Variants in FEZ1 observed in about 807,000 individuals in gnomAD.
FEZ1 encodes fasciculation and elongation protein zeta-1.
Under a neutral mutation model 49.3 loss-of-function variants are expected in FEZ1, and 20 were observed. That is an observed-to-expected ratio of 0.41 (90% CI 0.29 to 0.59). The LOEUF (loss-of-function observed/expected upper bound fraction) is 0.59. Among genes scored for constraint, FEZ1 ranks in the 20% least tolerant of loss-of-function variants. The pLI, the probability that FEZ1 is intolerant of heterozygous loss-of-function variation, is 0.36. For synonymous variants in FEZ1, 170 were observed against 180.9 expected (o/e 0.94, Z 0.48); for missense variants, 413 against 476.0 (o/e 0.87, Z 1.23).
intron 3 of FEZ1, among the ~76,000 whole-genome samples, chr11:125,467,706 G>T (rs1957144411): frequency 6.6e-6 from 1 of 152,164 alleles, no homozygotes; most frequent in Non-Finnish European, 1.5e-5. Flanking sequence ...CAGGCATGGT[G>T]GTGCACACCT....
intron 3 of FEZ1, among the ~76,000 whole-genome samples, chr11:125,480,680 C>T (rs1164836315): frequency 6.6e-6 from 1 of 152,162 alleles, no homozygotes; most frequent in Non-Finnish European, 1.5e-5. Context: ...GAAGCCATGA[C>T]AGTTTCCTCC....
chr11:125,457,421 A>ATATATAT (rs1314968863), intron 5 of FEZ1, among the ~76,000 whole-genome samples: 5 of 40,620 alleles, frequency 1.2e-4, no homozygotes, highest in African/African-American at 4.2e-4. Flanking sequence ...AAAAAAAAAA[A>ATATATAT]AAAAAAAAAT....
Position 125,460,556 on chromosome 11 carries a change from G to T in FEZ1, c.609C>A (p.Val203=). ...GGETSSQADS[V]LLQEMQALTQ... is the part of the protein sequence containing the mutation. ...TCAATGCCTGCATCTCCTGCAGGAG[G>T]ACCGAGTCTGCCTGGGAGGAAGTTT... The change falls in exon 5 of 10, where the codon GTC becomes GTA. Residue 203 remains valine (V), a synonymous_variant. Transcript: ENST00000278919. 6.2e-7 allele frequency: 1 copy of T among 1,614,118 alleles called. No homozygotes were observed. Among genetic ancestry groups the T allele is most frequent in the Non-Finnish European group, 8.5e-7 (1 of 1,179,994 alleles).
Position 125,454,209 on chromosome 11 carries a change from C to T in FEZ1, c.941G>A (p.Arg314His), listed in dbSNP as rs763227338. 23 of 1,612,866 alleles carry T rather than the reference C, an allele frequency of 1.4e-5. No individual in the cohort carries two copies. Among genetic ancestry groups the T allele is most frequent in the Non-Finnish European group, 1.7e-5 (20 of 1,179,256 alleles). The change falls in exon 7 of 10, where the codon CGC becomes CAC. Residue 314 changes from arginine (R) to histidine (H), a missense_variant and splice_region_variant. By Grantham distance (29) the Arg-to-His change is conservative. Coordinates refer to ENST00000278919, the MANE Select transcript of FEZ1 (RefSeq NM_005103.5). ...IEKGNQMPLK[R>H]FSMEGISNIL... ...GTTGGAGATGCCTTCCATGCTGAAGCGCTGTGGGGGAGAGAGACTCAAGAA... is the reference window on the plus strand; with the variant it reads ...GTTGGAGATGCCTTCCATGCTGAAGTGCTGTGGGGGAGAGAGACTCAAGAA...
chr11:125,469,823 C>T (rs1957167903), intron 3 of FEZ1, among the ~76,000 whole-genome samples: 1 of 151,720 alleles, frequency 6.6e-6, no homozygotes, highest in Admixed American at 6.6e-5. Flanking sequence ...AGTGATCCTC[C>T]TGCCTTGGCC....
intron 3 of FEZ1, among the ~76,000 whole-genome samples, chr11:125,477,743 C>T (rs531976764): frequency 1.6e-4 from 25 of 152,200 alleles, no homozygotes; most frequent in South Asian, 4.2e-4. Flanking sequence ...TACCCCATCT[C>T]GCCATTCCTG....
intron 3 of FEZ1, among the ~76,000 whole-genome samples, chr11:125,480,517 C>T (rs960425515): frequency 3.9e-5 from 6 of 152,220 alleles, no homozygotes; most frequent in Non-Finnish European, 5.9e-5. Context: ...CTGAACTATT[C>T]ATTTAAGATG....
At chr11:125,457,759 T>A (rs1048951113) in intron 5 of FEZ1, among the ~76,000 whole-genome samples, 3 of 152,160 alleles carry the variant, frequency 2.0e-5, no homozygotes, top group African/African-American at 7.2e-5. Flanking sequence ...AAGGCATTTT[T>A]CCTTTATGTC....
rs989044373 is a variant in FEZ1, at chr11:125,449,190, G to A, written c.1097-623C>T. Among the ~76,000 whole-genome samples the A allele has an allele frequency of 3.3e-5, 5 of 150,626 alleles. No individual in the cohort carries two copies. The South Asian group carries it at 6.3e-4, about 19-fold the overall frequency. ...CCAAGTAGCTGAGACTTACAGGCAC[G>A]TGCCACTATGCCCAGCTAATTTTTT... On this transcript the variant is annotated intron_variant, in intron 8 of 9. Coordinates refer to ENST00000278919, the MANE Select transcript of FEZ1 (RefSeq NM_005103.5).
intron 3 of FEZ1, among the ~76,000 whole-genome samples, chr11:125,471,922 T>C (rs941856732): frequency 1.3e-5 from 2 of 152,132 alleles, no homozygotes; most frequent in Non-Finnish European, 2.9e-5. Context: ...GTATGTTCTC[T>C]GACAAAATTA....
At chr11:125,454,333 G>A in intron 6 of FEZ1, 123 bp from the exon 7 acceptor site, 1 of 620,054 alleles carries the variant, frequency 1.6e-6, no homozygotes. Context: ...TAGACAGTAA[G>A]TGTAAGACAC....
In FEZ1 at chr11:125,471,481, T is replaced by A. The variant is rs76320304; in HGVS notation, c.412-7911A>T. Reference sequence around the variant, plus strand: ...ACACACACTTTGCAAACAGTATGCATAAGAAAGCTTAAGTGGCTACATTCA... The same window carrying A: ...ACACACACTTTGCAAACAGTATGCAAAAGAAAGCTTAAGTGGCTACATTCA... On this transcript the variant is annotated intron_variant, in intron 3 of 9. Transcript: ENST00000278919. Among the ~76,000 whole-genome samples the A allele has an allele frequency of 2.0e-3, 304 of 151,284 alleles. 10 individuals are homozygous for A. The East Asian group carries it at 0.053, about 27-fold the overall frequency.
intron 3 of FEZ1, 83 bp from the exon 4 acceptor site, chr11:125,463,653 T>G: frequency 1.2e-6 from 1 of 828,088 alleles, no homozygotes; most frequent in East Asian, 2.4e-5. Context: ...TGGATGATAC[T>G]GACTGGGAGG....
At chr11:125,475,275 T>TACACACACACAC (rs67243081) in intron 3 of FEZ1, among the ~76,000 whole-genome samples, 2,270 of 141,764 alleles carry the variant, frequency 0.016, 30 homozygotes, top group Middle Eastern at 0.039. Context: ...GTCTCAAAAA[T>TACACACACACAC]ACACACACAC....
Position 125,495,821 on chromosome 11 carries a change from C to T in FEZ1, c.-46+300G>A, listed in dbSNP as rs1957462701. On this transcript the variant is annotated intron_variant, in intron 1 of 9. Transcript: ENST00000278919. The surrounding 1 kb of genome is among the most constrained non-coding windows in gnomAD (Gnocchi z 4.2). ...GCGGACACACACACACACACACACACACACACACACACACCAGGCCTGGCT... is the reference window on the plus strand; with the variant it reads ...GCGGACACACACACACACACACACATACACACACACACACCAGGCCTGGCT... The T allele has an allele frequency of 1.2e-5, 3 of 259,290 alleles. No homozygotes were observed. The highest frequency in any genetic ancestry group is 1.5e-5 in the Non-Finnish European group (2 of 131,362). 16.1% of individuals were successfully genotyped at this position (259,290 alleles called of 1,614,324 possible).
At chr11:125,493,505 AGAGAG>A (rs1459048320) in intron 1 of FEZ1, among the ~76,000 whole-genome samples, 1 of 73,276 alleles carries the variant, frequency 1.4e-5, no homozygotes, top group African/African-American at 6.2e-5. Flanking sequence ...AAAGAAAGAA[AGAGAG>A]AAAGAAAGAA....
chr11:125,462,058 C>T (rs1291729158), intron 4 of FEZ1, among the ~76,000 whole-genome samples: 1 of 152,112 alleles, frequency 6.6e-6, no homozygotes, highest in Admixed American at 6.5e-5. Flanking sequence ...GCTATTAGCC[C>T]CTATTTTTAA....
intron 2 of FEZ1, among the ~76,000 whole-genome samples, chr11:125,486,042 C>T (rs1009345543): frequency 1.2e-4 from 18 of 152,168 alleles, no homozygotes; most frequent in East Asian, 1.2e-3. Flanking sequence ...ATACTATATC[C>T]GCTTTCTATA....
At chr11:125,448,334 G>A (rs562235136) in intron 9 of FEZ1, among the ~76,000 whole-genome samples, 168 bp downstream of exon 9, 1 of 152,226 alleles carries the variant, frequency 6.6e-6, no homozygotes, top group East Asian at 1.9e-4. Context: ...GCGGCCTCCT[G>A]GCAACACCCA....
Sources: gnomAD v4.1 joint callset for allele counts (sites outside exome capture counted in the v4.1 genomes callset) on GRCh38, gnomAD v4.1.1 for gene constraint, Gnocchi (gnomAD v3.1) non-coding constraint, MANE v1.5 for transcripts, NCBI Gene and HGNC (gene_info 2026-07-23, HGNC 2026-07-21) for gene names.